MARCHF11: variants seen among roughly 807,000 people sequenced by gnomAD.
MARCHF11 encodes the protein E3 ubiquitin-protein ligase MARCHF11.
In MARCHF11, 29 loss-of-function variants were observed where a neutral mutation model predicts 37.3. The observed-to-expected ratio is 0.78, with a 90% CI of 0.58 to 1.06. The LOEUF is 1.06. Among genes scored for constraint, MARCHF11 ranks in the 50% least tolerant of loss-of-function variants. The pLI is 0.00. For missense variants in MARCHF11, 482 were observed against 533.4 expected, an observed-to-expected ratio of 0.90 and a Z score of 0.95; for synonymous variants, 233 against 228.0, an observed-to-expected ratio of 1.02 and a Z score of -0.20.
chr5:16,112,184 G>C (rs1737152771), intron 2 of MARCHF11, among the ~76,000 whole-genome samples: 1 of 152,192 alleles, frequency 6.6e-6, no homozygotes, highest in South Asian at 2.1e-4. Context: ...GTGGAGCTGT[G>C]AGAAGAGAGC....
At chr5:16,127,618 A>G (rs138451705) in intron 2 of MARCHF11, among the ~76,000 whole-genome samples, 65 of 152,292 alleles carry the variant, frequency 4.3e-4, no homozygotes, top group African/African-American at 1.5e-3. Flanking sequence ...AAGGACCACA[A>G]TTACAATCTG....
intron 2 of MARCHF11, among the ~76,000 whole-genome samples, chr5:16,132,804 AAGTT>A (rs1174127106): frequency 2.0e-5 from 3 of 152,208 alleles, no homozygotes; most frequent in Non-Finnish European, 4.4e-5. Context: ...TTCAAATGAA[AAGTT>A]AGTAGGAACA....
At chr5:16,143,547 C>T (rs1269039559) in intron 2 of MARCHF11, among the ~76,000 whole-genome samples, 4 of 152,234 alleles carry the variant, frequency 2.6e-5, no homozygotes, top group African/African-American at 4.8e-5. Flanking sequence ...AGTGTAACAG[C>T]TAATCTGATA....
At chr5:16,113,464 T>G (rs946482772) in intron 2 of MARCHF11, among the ~76,000 whole-genome samples, 31 of 152,192 alleles carry the variant, frequency 2.0e-4, no homozygotes, top group Non-Finnish European at 4.1e-4. Flanking sequence ...CTTTAAAAAC[T>G]AGGATTTTAC....
chr5:16,099,962 C>T (rs1736929527), intron 2 of MARCHF11, among the ~76,000 whole-genome samples: 1 of 152,132 alleles, frequency 6.6e-6, no homozygotes, highest in Non-Finnish European at 1.5e-5. Context: ...TTTAGAATGT[C>T]AATAAAAATT....
intron 2 of MARCHF11, among the ~76,000 whole-genome samples, chr5:16,123,801 CTA>C (rs1228663316): frequency 6.6e-6 from 1 of 152,142 alleles, no homozygotes; most frequent in African/African-American, 2.4e-5. Context: ...TTGCAAGAGA[CTA>C]TTTTTAACAT....
chr5:16,154,189 C>T (rs1453865895), intron 2 of MARCHF11, among the ~76,000 whole-genome samples: 1 of 151,908 alleles, frequency 6.6e-6, no homozygotes, highest in East Asian at 1.9e-4. Context: ...GAGAGTGATG[C>T]CAGGGGTTTT....
chr5:16,099,900 C>T (rs1047224211), intron 2 of MARCHF11, among the ~76,000 whole-genome samples: 13 of 152,276 alleles, frequency 8.5e-5, no homozygotes, highest in African/African-American at 2.6e-4. Context: ...GGGTGGGAAG[C>T]TCCCGATGTG....
At chr5:16,163,449 TC>T (rs1354585845) in intron 2 of MARCHF11, among the ~76,000 whole-genome samples, 4 of 151,958 alleles carry the variant, frequency 2.6e-5, no homozygotes, top group African/African-American at 9.7e-5. Flanking sequence ...ATTGATAACA[TC>T]ACAATCAGAA....
intron 2 of MARCHF11, among the ~76,000 whole-genome samples, chr5:16,161,841 T>C (rs555609842): frequency 2.2e-4 from 34 of 152,108 alleles, no homozygotes; most frequent in Non-Finnish European, 4.4e-4. Context: ...GCCTCAAATA[T>C]TCATTCTCCA....
chr5:16,117,428 G>A (rs575906172), intron 2 of MARCHF11, among the ~76,000 whole-genome samples: 18 of 152,304 alleles, frequency 1.2e-4, no homozygotes, highest in Admixed American at 1.0e-3. Flanking sequence ...CATGTTTAAG[G>A]ACCAGCTTCC....
chr5:16,161,629 G>A (rs1738078725), intron 2 of MARCHF11, among the ~76,000 whole-genome samples: 1 of 151,738 alleles, frequency 6.6e-6, no homozygotes, highest in Admixed American at 6.6e-5. Context: ...AAAAATACTG[G>A]CTTCCCAGCA....
At chr5:16,163,927 T>A (rs1455656880) in intron 2 of MARCHF11, among the ~76,000 whole-genome samples, 9 of 152,002 alleles carry the variant, frequency 5.9e-5, no homozygotes, top group African/African-American at 2.2e-4. Context: ...TTATCCCCCT[T>A]TTGACTTTGG....
chr5:16,067,555 G>A lies in MARCHF11; in HGVS notation c.1125C>T (p.His375=), dbSNP rs908911406. The change falls in exon 4 of 4, where the codon CAC becomes CAT. Residue 375 remains histidine (H), a synonymous_variant. Transcript: ENST00000332432. ...PRFQCGYVLL[H]LFNRMRPHED... ...CATGGGGCCTCATCCGATTGAACAG[G>A]TGCAATAACACATAGCCACACTGAA... 6.2e-7 allele frequency: 1 copy of A among 1,613,926 alleles called. No homozygotes were observed.
intron 2 of MARCHF11, among the ~76,000 whole-genome samples, chr5:16,126,491 C>T (rs1737409630): frequency 6.6e-6 from 1 of 152,192 alleles, no homozygotes; most frequent in Admixed American, 6.5e-5. Context: ...AAGTTCTTAA[C>T]TGCAAAGCCC....
chr5:16,122,190 A>T (rs555641841), intron 2 of MARCHF11, among the ~76,000 whole-genome samples: 9 of 152,312 alleles, frequency 5.9e-5, no homozygotes, highest in Admixed American at 3.9e-4. Flanking sequence ...GAAATTTGAC[A>T]GAAGGAAACT....
At chr5:16,145,349 G>C (rs147803120) in intron 2 of MARCHF11, among the ~76,000 whole-genome samples, 142 of 152,220 alleles carry the variant, frequency 9.3e-4, no homozygotes, top group African/African-American at 3.3e-3. Context: ...CATTCAGGAG[G>C]GGAGTTGCTC....
At chr5:16,134,977 T>TTCTCTCTCTCTCTCTCTCTC (rs146251875) in intron 2 of MARCHF11, among the ~76,000 whole-genome samples, 152 of 142,992 alleles carry the variant, frequency 1.1e-3, no homozygotes, top group African/African-American at 3.9e-3. Context: ...TATGAGTGAT[T>TTCTCTCTCTCTCTCTCTCTC]TCTCTCTCTC....
intron 2 of MARCHF11, among the ~76,000 whole-genome samples, chr5:16,138,798 A>G (rs1737654575): frequency 6.6e-6 from 1 of 152,174 alleles, no homozygotes; most frequent in Non-Finnish European, 1.5e-5. Flanking sequence ...ATCATTTTGG[A>G]GTTTTAAGAT....
Sources: allele counts gnomAD v4.1 joint callset (sites outside exome capture counted in the v4.1 genomes callset), GRCh38; gene constraint gnomAD v4.1.1; transcripts MANE v1.5; gene names NCBI Gene and HGNC (gene_info 2026-07-23, HGNC 2026-07-21).